SORBS2: variants seen among roughly 807,000 people sequenced by gnomAD.
SORBS2 encodes the protein sorbin and SH3 domain containing 2, also known as sorbin and SH3 domain-containing protein 2.
Under a neutral mutation model 97.7 loss-of-function variants are expected in SORBS2, and 46 were observed. The observed-to-expected ratio is 0.47, with a 90% CI of 0.37 to 0.60. The LOEUF (loss-of-function observed/expected upper bound fraction) is 0.60, where lower values mean the gene tolerates loss of function less well. SORBS2 is among the 20% of genes least tolerant of loss of function. The pLI is 0.00. For missense variants in SORBS2, 1,316 were observed against 1,282.3 expected (o/e 1.03, Z -0.40); for synonymous variants, 476 against 473.4 (o/e 1.01, Z -0.07).
At chr4:185,797,160 G>A (rs1326608238) in intron 1 of SORBS2, among the ~76,000 whole-genome samples, 1 of 152,202 alleles carries the variant, frequency 6.6e-6, no homozygotes, top group Admixed American at 6.5e-5. Context: ...CTCGAGTAGA[G>A]CTGTCTGTGC....
At chr4:185,754,713 T>C (rs1289039107) in intron 2 of SORBS2, among the ~76,000 whole-genome samples, 1 of 152,152 alleles carries the variant, frequency 6.6e-6, no homozygotes, top group Non-Finnish European at 1.5e-5. Context: ...GGGGGCTGTG[T>C]TCCAAACAGC....
chr4:185,915,013 C>A (rs1318285518), intron 1 of SORBS2, among the ~76,000 whole-genome samples: 1 of 152,158 alleles, frequency 6.6e-6, no homozygotes, highest in Non-Finnish European at 1.5e-5. Context: ...TGAAGATAGA[C>A]TGTGTAATGA....
rs534306765 is a variant in SORBS2 at position 185,682,943 on chromosome 4, G to A, written c.-197-4121C>T. ...GCAGGAGAATGCTTGAACCTGGGAGGCAGAGGTTGCAGTGAGCCAAGATCG... is the reference window on the plus strand; with the variant it reads ...GCAGGAGAATGCTTGAACCTGGGAGACAGAGGTTGCAGTGAGCCAAGATCG... On this transcript the variant is annotated intron_variant, in intron 2 of 20. Coordinates refer to the SORBS2 transcript ENST00000284776. Among the ~76,000 whole-genome samples, 3 of 150,478 alleles carry A rather than the reference G, an allele frequency of 2.0e-5. No homozygotes were observed. In the South Asian group the frequency reaches 6.3e-4, roughly 32 times the overall value.
Position 185,593,896 on chromosome 4 carries a change from C to A in SORBS2, c.2836G>T (p.Gly946Trp), listed in dbSNP as rs141463006. The change falls in exon 13 of 15, where the codon GGG becomes TGG. Residue 946 changes from glycine (G) to tryptophan (W), a missense_variant. Physicochemically the swap from Gly to Trp is radical, Grantham distance 184. Coordinates refer to ENST00000418609, the Ensembl canonical transcript of SORBS2. Reference sequence around the variant, plus strand: ...AAGAAGAATACTTACGGTTCCCCCCCACCTTGAATATTTTCATGAGTAAAC... The same window carrying A: ...AAGAAGAATACTTACGGTTCCCCCCAACCTTGAATATTTTCATGAGTAAAC... 2.5e-4 allele frequency: 398 copies of A among 1,603,550 alleles called. No homozygotes were observed. The East Asian group carries it at 2.9e-3, about 12-fold the overall frequency.
chr4:185,727,868 C>G (rs2098571602), intron 2 of SORBS2, among the ~76,000 whole-genome samples: 1 of 152,174 alleles, frequency 6.6e-6, no homozygotes, highest in African/African-American at 2.4e-5. Flanking sequence ...CTGCTCCAGA[C>G]AGATTTTATG....
chr4:185,905,341 G>A (rs1218972926), intron 1 of SORBS2, among the ~76,000 whole-genome samples: 1 of 152,126 alleles, frequency 6.6e-6, no homozygotes, highest in Non-Finnish European at 1.5e-5. Flanking sequence ...ATTTAAGGGT[G>A]TATGGAAAAC....
Position 185,780,007 on chromosome 4 carries a change from A to ATTTT in SORBS2, c.-337-4645_-337-4642dup, listed in dbSNP as rs538693770. ...TGAAGGCTAGACTAAGTAGAGTAAC[A>ATTTT]TTTTTTTTTTTTTTTTTTTTTTTTT... On this transcript the variant is annotated intron_variant, in intron 1 of 20. Coordinates refer to the SORBS2 transcript ENST00000284776. Among the ~76,000 whole-genome samples the ATTTT allele has an allele frequency of 3.0e-3, 293 of 98,086 alleles. 8 individuals carry two copies. The highest frequency in any genetic ancestry group is 0.016 in the East Asian group (42 of 2,698). The allele number at this position is 98,086 out of a possible 152,430, so 64.3% of individuals were successfully genotyped here. A position where few individuals can be genotyped will look rare whatever the true frequency, so the allele number is the denominator to read the frequency against.
exon 15 of SORBS2, chr4:185,585,816 C>G (rs1256527420): frequency 2.0e-5 from 3 of 152,222 alleles, no homozygotes; most frequent in Non-Finnish European, 4.4e-5. Flanking sequence ...ATGAACTTGA[C>G]AGAAATCAAG....
intron 1 of SORBS2, among the ~76,000 whole-genome samples, chr4:185,809,789 G>A (rs557767183): frequency 2.0e-5 from 3 of 152,154 alleles, no homozygotes; most frequent in Non-Finnish European, 2.9e-5. Flanking sequence ...TAAGGGTCTT[G>A]TCTCACTTGG....
intron 2 of SORBS2, among the ~76,000 whole-genome samples, chr4:185,704,182 C>T (rs1380279856): frequency 6.6e-5 from 10 of 152,164 alleles, no homozygotes; most frequent in African/African-American, 2.2e-4. Flanking sequence ...GTCTAAGTTA[C>T]GATTCAGACA....
chr4:185,684,967 A>G lies in SORBS2; in HGVS notation c.-197-6145T>C. On this transcript the variant is annotated intron_variant, in intron 2 of 20. Coordinates refer to the SORBS2 transcript ENST00000284776. This position sits in a 1 kb window ranked among gnomAD's most constrained non-coding sequence, Gnocchi z 4.2. ...GAAAGATGAACAGTTAGAATTAGTA[A>G]TCATGGAATGCACCTGCCAATTTCA... 1 of 734,556 alleles carries G rather than the reference A, an allele frequency of 1.4e-6. No individual in the cohort carries two copies. Among genetic ancestry groups the G allele is most frequent in the Non-Finnish European group, 2.3e-6 (1 of 438,962 alleles). The allele number at this position is 734,556 out of a possible 1,614,324, so 45.5% of individuals were successfully genotyped here. A position where few individuals can be genotyped will look rare whatever the true frequency, so the allele number is the denominator to read the frequency against.
chr4:185,629,218 G>C (rs2096866422), intron 5 of SORBS2, among the ~76,000 whole-genome samples: 1 of 152,170 alleles, frequency 6.6e-6, no homozygotes, highest in Non-Finnish European at 1.5e-5. Flanking sequence ...GCATCTCCTA[G>C]ACCTGTTTTT....
intron 1 of SORBS2, among the ~76,000 whole-genome samples, chr4:185,796,982 T>C (rs2099107627): frequency 2.6e-5 from 4 of 152,144 alleles, no homozygotes; most frequent in Admixed American, 2.0e-4. Flanking sequence ...TATTATTCCC[T>C]GGTCACAGTG....
intron 2 of SORBS2, 63 bp downstream of exon 10, chr4:185,652,599 A>G: frequency 1.5e-6 from 2 of 1,299,928 alleles, no homozygotes; most frequent in South Asian, 2.4e-5. Context: ...AACCGATGCA[A>G]AAGACGAATG....
chr4:185,706,473 C>T (rs964996934), intron 2 of SORBS2, among the ~76,000 whole-genome samples: 1 of 152,146 alleles, frequency 6.6e-6, no homozygotes, highest in Non-Finnish European at 1.5e-5. Flanking sequence ...CTCAAGTATA[C>T]ACAAATGGAT....
At chr4:185,731,410 C>G (rs148473834) in intron 2 of SORBS2, among the ~76,000 whole-genome samples, 2 of 152,008 alleles carry the variant, frequency 1.3e-5, no homozygotes, top group Admixed American at 6.6e-5. Context: ...TTCTCTGATG[C>G]AATAACCAAG....
chr4:185,772,231 A>G (rs1027438836), intron 2 of SORBS2: 12 of 152,082 alleles, frequency 7.9e-5, no homozygotes, highest in Admixed American at 7.9e-4. Flanking sequence ...GACCGTTCAC[A>G]CCCACATCAA....
chr4:185,702,277 C>T (rs2098274724), intron 2 of SORBS2, among the ~76,000 whole-genome samples: 1 of 152,110 alleles, frequency 6.6e-6, no homozygotes, highest in Non-Finnish European at 1.5e-5. Flanking sequence ...GCTTCCACTC[C>T]TGGTGGAGGG....
intron 2 of SORBS2, among the ~76,000 whole-genome samples, chr4:185,688,460 C>G (rs1338559667): frequency 8.2e-6 from 1 of 121,636 alleles, no homozygotes; most frequent in Non-Finnish European, 2.0e-5. Context: ...CATTGTCTAT[C>G]CATATATTAT....
Sources: gnomAD v4.1 joint callset for allele counts (sites outside exome capture counted in the v4.1 genomes callset) on GRCh38, gnomAD v4.1.1 for gene constraint, Gnocchi (gnomAD v3.1) non-coding constraint, MANE v1.5 for transcripts, NCBI Gene and HGNC (gene_info 2026-07-23, HGNC 2026-07-21) for gene names.